Variants in EPM2A observed in about 807,000 individuals in gnomAD.
The protein encoded by EPM2A is EPM2A glucan phosphatase, laforin.
EPM2A carries 21 observed loss-of-function variants against 26.5 expected under a neutral mutation model. The observed-to-expected ratio is 0.79, with a 90% CI of 0.56 to 1.14. The LOEUF (loss-of-function observed/expected upper bound fraction) is 1.14, where lower values mean the gene tolerates loss of function less well. EPM2A is among the 50% of genes most tolerant of loss of function. The pLI is 0.00. For missense variants in EPM2A, 458 were observed against 440.8 expected (o/e 1.04, Z -0.35); for synonymous variants, 217 against 177.6 (o/e 1.22, Z -1.76).
At chr6:145,385,807 CCTT>C (rs1158862883) in intron 4 of EPM2A, among the ~76,000 whole-genome samples, 3 of 152,040 alleles carry the variant, frequency 2.0e-5, no homozygotes, top group Admixed American at 2.0e-4. Context: ...AAATCTGTCT[CCTT>C]CTTTTTTCTA....
intron 2 of EPM2A, among the ~76,000 whole-genome samples, chr6:145,571,657 T>C (rs1369493622): frequency 1.3e-5 from 2 of 152,232 alleles, no homozygotes; most frequent in African/African-American, 4.8e-5. Flanking sequence ...GAGGGCTCAG[T>C]GTTGGTCTCT....
intron 2 of EPM2A, among the ~76,000 whole-genome samples, chr6:145,606,216 G>A (rs556863949): frequency 1.3e-5 from 2 of 152,084 alleles, no homozygotes; most frequent in African/African-American, 4.8e-5. Flanking sequence ...CTACTTCAGC[G>A]CTGTGCATAA....
intron 4 of EPM2A, among the ~76,000 whole-genome samples, chr6:145,478,751 A>C (rs989723065): frequency 3.4e-4 from 52 of 151,842 alleles, no homozygotes; most frequent in African/African-American, 1.2e-3. Context: ...TATGATTTTC[A>C]TTATGATTTC....
At chr6:145,505,432 A>AT (rs1193680293) in intron 2 of EPM2A, among the ~76,000 whole-genome samples, 1 of 151,758 alleles carries the variant, frequency 6.6e-6, no homozygotes, top group Admixed American at 6.6e-5. Context: ...TATACGTACA[A>AT]TTTTTTTCCT....
intron 2 of EPM2A, among the ~76,000 whole-genome samples, chr6:145,584,090 G>A (rs1781153635): frequency 6.6e-6 from 1 of 152,222 alleles, no homozygotes; most frequent in African/African-American, 2.4e-5. Flanking sequence ...TCCTATCAGT[G>A]AAGAAGTGGG....
chr6:145,574,967 A>T (rs1240151465), intron 2 of EPM2A, among the ~76,000 whole-genome samples: 2 of 151,956 alleles, frequency 1.3e-5, no homozygotes, highest in Non-Finnish European at 1.5e-5. Flanking sequence ...AGTGTAGTGC[A>T]CCTCCTCATG....
chr6:145,607,457 C>T (rs1221052414), intron 2 of EPM2A, among the ~76,000 whole-genome samples: 1 of 152,074 alleles, frequency 6.6e-6, no homozygotes, highest in Non-Finnish European at 1.5e-5. Context: ...CACTGCAAAG[C>T]TTTGACGGCA....
Position 145,627,674 on chromosome 6 carries a change from G to A in EPM2A, c.738C>T (p.Pro246=). Residue 246 remains proline, a synonymous_variant, in exon 4 of 4, where the codon CCC becomes CCT. Coordinates refer to ENST00000367519, the MANE Select transcript of EPM2A (RefSeq NM_005670.4). Reference sequence around the variant, plus strand: ...GCGCATGCAGCAGGCACACCGCCTGGGGCAGCATCTGTACTCGGCCTGCGG... The same window carrying A: ...GCGCATGCAGCAGGCACACCGCCTGAGGCAGCATCTGTACTCGGCCTGCGG... ...MSTEGRVQML[P]QAVCLLHALL... 1 of 1,614,130 alleles carries A rather than the reference G, an allele frequency of 6.2e-7. No individual in the cohort carries two copies. The highest frequency in any genetic ancestry group is 8.5e-7 in the Non-Finnish European group (1 of 1,180,018).
chr6:145,694,607 G>T (rs377308942), intron 1 of EPM2A, among the ~76,000 whole-genome samples: 5 of 152,074 alleles, frequency 3.3e-5, no homozygotes, highest in African/African-American at 1.2e-4. Flanking sequence ...AGATTGACAA[G>T]AAGAAGGAAA....
intron 1 of EPM2A, among the ~76,000 whole-genome samples, chr6:145,731,157 A>G (rs1050166074): frequency 2.0e-5 from 3 of 152,222 alleles, no homozygotes; most frequent in Non-Finnish European, 4.4e-5. Flanking sequence ...TACTTTGCCA[A>G]TGATAACGAT....
intron 1 of EPM2A, among the ~76,000 whole-genome samples, chr6:145,699,267 T>C (rs1008913288): frequency 9.9e-5 from 15 of 152,086 alleles, no homozygotes; most frequent in African/African-American, 3.4e-4. Context: ...ATTATGAAAA[T>C]AATTTTAAAA....
chr6:145,394,144 G>A (rs992657896), intron 4 of EPM2A, among the ~76,000 whole-genome samples: 7 of 152,022 alleles, frequency 4.6e-5, no homozygotes, highest in Non-Finnish European at 8.8e-5. Flanking sequence ...TATTTTTAAG[G>A]CAAAGCCAGG....
Position 145,467,049 on chromosome 6 carries a change from C to T in EPM2A, c.555+35473G>A, listed in dbSNP as rs140887200. On this transcript the variant is annotated intron_variant, in intron 4 of 4. Transcript: ENST00000638717. Reference sequence around the variant, plus strand: ...GGGAGATATACCTAATGCTAGATGACGAGTTAGTGGGTGCAGCGCACCAGC... The same window carrying T: ...GGGAGATATACCTAATGCTAGATGATGAGTTAGTGGGTGCAGCGCACCAGC... 9.5e-3 allele frequency among the ~76,000 whole-genome samples: 1,438 copies of T among 152,100 alleles called. 107 individuals carry two copies. In the East Asian group the frequency reaches 0.19, roughly 20 times the overall value.
At chr6:145,496,728 A>ATGCTTTTTTTTTTTTT (rs779194973), downstream of EPM2A, among the ~76,000 whole-genome samples, 1 of 106,908 alleles carries the variant, frequency 9.4e-6, no homozygotes, top group Non-Finnish European at 2.0e-5. Context: ...AGTTCCTGCA[A>ATGCTTTTTTTTTTTTT]TTTTTTTTTT....
At chr6:145,722,413 T>C (rs994043341) in intron 1 of EPM2A, among the ~76,000 whole-genome samples, 1 of 152,196 alleles carries the variant, frequency 6.6e-6, no homozygotes, top group African/African-American at 2.4e-5. Flanking sequence ...AATTCTCTTC[T>C]TACTGATAAT....
At chr6:145,491,092 T>A (rs752394419) in intron 4 of EPM2A, 7 of 669,090 alleles carry the variant, frequency 1.0e-5, no homozygotes, top group Non-Finnish European at 1.9e-5. Context: ...GTTGCTGCAA[T>A]CTTCCTTTTA....
At chr6:145,538,902 C>T (rs1252509954) in intron 2 of EPM2A, among the ~76,000 whole-genome samples, 2 of 152,160 alleles carry the variant, frequency 1.3e-5, no homozygotes, top group Non-Finnish European at 2.9e-5. Flanking sequence ...CTCAAGGGAA[C>T]ACAGTAAATA....
chr6:145,489,963 C>T (rs953335863), intron 4 of EPM2A: 28 of 1,374,964 alleles, frequency 2.0e-5, no homozygotes, highest in East Asian at 4.6e-5. Flanking sequence ...GAAGCACACT[C>T]GTGTGAACAA....
At chr6:145,647,144 C>T (rs956434023) in intron 2 of EPM2A, among the ~76,000 whole-genome samples, 3 of 152,312 alleles carry the variant, frequency 2.0e-5, no homozygotes, top group South Asian at 2.1e-4. Flanking sequence ...AAACCCACTC[C>T]GTATCCTGAA....
Sources: allele counts gnomAD v4.1 joint callset (sites outside exome capture counted in the v4.1 genomes callset), GRCh38; gene constraint gnomAD v4.1.1; transcripts MANE v1.5; gene names NCBI Gene and HGNC (gene_info 2026-07-23, HGNC 2026-07-21).